SH3RF3: variants seen among roughly 807,000 people sequenced by gnomAD.
SH3RF3 encodes E3 ubiquitin-protein ligase SH3RF3.
SH3RF3 carries 29 observed loss-of-function variants against 66.3 expected under a neutral mutation model. The ratio of observed to expected loss-of-function variants is 0.44; its 90% CI spans 0.33 to 0.60. SH3RF3 has a LOEUF of 0.60. SH3RF3 is among the 20% of genes least tolerant of loss of function. SH3RF3 has a pLI of 0.04. For missense variants in SH3RF3, 1,194 were observed against 1,190.9 expected (o/e 1.00, Z -0.04); for synonymous variants, 583 against 532.0 (o/e 1.10, Z -1.32).
intron 1 of SH3RF3, among the ~76,000 whole-genome samples, chr2:109,217,857 C>T (rs1459279773): frequency 6.6e-6 from 1 of 152,210 alleles, no homozygotes; most frequent in African/African-American, 2.4e-5. Context: ...GCCCCCATCT[C>T]CCCCATACAG....
chr2:109,298,078 A>T (rs889335114), intron 1 of SH3RF3, among the ~76,000 whole-genome samples: 9 of 152,134 alleles, frequency 5.9e-5, no homozygotes, highest in Admixed American at 1.3e-4. Flanking sequence ...GGAGGTGGGG[A>T]TCTGTCCCAC....
intron 1 of SH3RF3, among the ~76,000 whole-genome samples, chr2:109,143,581 A>C (rs1035624918): frequency 1.3e-5 from 2 of 152,076 alleles, no homozygotes; most frequent in African/African-American, 4.8e-5. Flanking sequence ...CATCTCTACA[A>C]AAAATAAAAA....
At chr2:109,243,720 T>C (rs1436485046) in intron 1 of SH3RF3, among the ~76,000 whole-genome samples, 3 of 152,046 alleles carry the variant, frequency 2.0e-5, no homozygotes, top group Non-Finnish European at 4.4e-5. Context: ...TAAGGAGAGA[T>C]TGAGCATGGT....
chr2:109,259,898 CAT>C (rs1481755455), intron 1 of SH3RF3, among the ~76,000 whole-genome samples: 1 of 152,134 alleles, frequency 6.6e-6, no homozygotes, highest in South Asian at 2.1e-4. Context: ...AACTGTCAGT[CAT>C]GTGTGTGCTA....
intron 1 of SH3RF3, among the ~76,000 whole-genome samples, chr2:109,149,729 G>T (rs961517861): frequency 6.6e-6 from 1 of 152,204 alleles, no homozygotes; most frequent in Non-Finnish European, 1.5e-5. Context: ...TCTAATTGGT[G>T]CCATGGGGGC....
chr2:109,238,879 A>C (rs1033253523), intron 1 of SH3RF3, among the ~76,000 whole-genome samples: 4 of 152,064 alleles, frequency 2.6e-5, no homozygotes, highest in African/African-American at 9.7e-5. Flanking sequence ...CCAAGGGAGG[A>C]TACAGCTCCA....
In SH3RF3 at chr2:109,432,630, CT is replaced by C; in HGVS notation, c.1534del (p.Ser512LeufsTer9). The C allele has an allele frequency of 1.2e-6, 2 of 1,613,042 alleles. No individual in the cohort carries two copies. Among genetic ancestry groups the C allele is most frequent in the Non-Finnish European group, 1.7e-6 (2 of 1,179,554 alleles). ...AGGGGGCGTCTCTGAGGACCGGGGT[CT>C]CTGGGGTGTTCCCCGGAAACTACGT... ...FKGASLRTGV[S>X]GVFPGNYVTP... On this transcript the variant is annotated frameshift_variant, in exon 6 of 10. Coordinates refer to ENST00000309415, the MANE Select transcript of SH3RF3 (RefSeq NM_001099289.3). LOFTEE classifies it high-confidence loss of function.
chr2:109,237,955 C>G (rs1459323433), intron 1 of SH3RF3, among the ~76,000 whole-genome samples: 2 of 152,184 alleles, frequency 1.3e-5, no homozygotes, highest in African/African-American at 2.4e-5. Context: ...GTTTTTATGA[C>G]CACGCAATGG....
chr2:109,391,330 C>T (rs773391832), intron 3 of SH3RF3, among the ~76,000 whole-genome samples: 2 of 152,208 alleles, frequency 1.3e-5, no homozygotes, highest in Non-Finnish European at 2.9e-5. Flanking sequence ...GGGACCAGGG[C>T]TAGAATGCAA....
At chr2:109,422,956 G>A (rs1331312006) in intron 5 of SH3RF3, among the ~76,000 whole-genome samples, 3 of 152,114 alleles carry the variant, frequency 2.0e-5, no homozygotes, top group Non-Finnish European at 2.9e-5. Flanking sequence ...AGACCGACAC[G>A]CCTGGGTCTG....
chr2:109,324,397 C>G (rs1285808454), intron 1 of SH3RF3, among the ~76,000 whole-genome samples: 1 of 152,208 alleles, frequency 6.6e-6, no homozygotes, highest in East Asian at 1.9e-4. Flanking sequence ...GCACCATTTT[C>G]CATTCCCACC....
intron 1 of SH3RF3, among the ~76,000 whole-genome samples, chr2:109,230,290 C>A (rs1350888317): frequency 6.6e-6 from 1 of 152,050 alleles, no homozygotes; most frequent in African/African-American, 2.4e-5. Context: ...AAATCTGTAA[C>A]CCTGGCCAGG....
intron 4 of SH3RF3, among the ~76,000 whole-genome samples, chr2:109,415,648 CT>C (rs1676704293): frequency 6.6e-6 from 1 of 152,150 alleles, no homozygotes; most frequent in South Asian, 2.1e-4. Context: ...ACGCCGTGCC[CT>C]CAGACTGAAG....
At chr2:109,492,807 A>AT (rs1272867240) in intron 9 of SH3RF3, among the ~76,000 whole-genome samples, 1 of 152,036 alleles carries the variant, frequency 6.6e-6, no homozygotes, top group Non-Finnish European at 1.5e-5. Flanking sequence ...CACAGGGCCT[A>AT]TTATCAGCTT....
chr2:109,412,343 A>G (rs1676614367), intron 4 of SH3RF3, among the ~76,000 whole-genome samples: 1 of 152,228 alleles, frequency 6.6e-6, no homozygotes, highest in Non-Finnish European at 1.5e-5. Flanking sequence ...GGCAGGCTTC[A>G]GGCAGGCCAC....
At chr2:109,387,456 G>A (rs1167744695) in intron 3 of SH3RF3, among the ~76,000 whole-genome samples, 1 of 152,060 alleles carries the variant, frequency 6.6e-6, no homozygotes, top group Non-Finnish European at 1.5e-5. Context: ...AGCCACTCTG[G>A]CCTTCTTGCT....
intron 1 of SH3RF3, among the ~76,000 whole-genome samples, chr2:109,255,353 T>C (rs567428587): frequency 9.9e-5 from 15 of 152,262 alleles, no homozygotes; most frequent in African/African-American, 3.1e-4. Flanking sequence ...ATACAGAGCA[T>C]TGGAGAAGTG....
chr2:109,188,262 A>G (rs1470581724), intron 1 of SH3RF3, among the ~76,000 whole-genome samples: 1 of 152,196 alleles, frequency 6.6e-6, no homozygotes, highest in Non-Finnish European at 1.5e-5. Flanking sequence ...CCGCCACCCC[A>G]GCAGACAACT....
chr2:109,184,571 C>T (rs1030167520), intron 1 of SH3RF3, among the ~76,000 whole-genome samples: 1 of 152,168 alleles, frequency 6.6e-6, no homozygotes, highest in African/African-American at 2.4e-5. Context: ...CCCTCTGATC[C>T]AGGTTGTTGG....
Sources: gnomAD v4.1 joint callset for allele counts (sites outside exome capture counted in the v4.1 genomes callset) on GRCh38, gnomAD v4.1.1 for gene constraint, MANE v1.5 for transcripts, NCBI Gene and HGNC (gene_info 2026-07-23, HGNC 2026-07-21) for gene names.